Variants in GABRG1 observed in about 807,000 individuals in gnomAD.
The protein encoded by GABRG1 is gamma-aminobutyric acid type A receptor subunit gamma1, also known as gamma-aminobutyric acid receptor subunit gamma-1.
GABRG1 carries 49 observed loss-of-function variants against 49.8 expected under a neutral mutation model. The ratio of observed to expected loss-of-function variants is 0.98; its 90% CI spans 0.78 to 1.25. The LOEUF (loss-of-function observed/expected upper bound fraction) is 1.25, where lower values mean the gene tolerates loss of function less well. Ranked by LOEUF, GABRG1 falls within the 50% of genes most tolerant of loss-of-function variation. GABRG1 has a pLI of 0.00. For synonymous variants in GABRG1, 232 were observed against 185.1 expected (o/e 1.25, Z -2.06); for missense variants, 552 against 552.3 (o/e 1.00, Z 0.01).
intron 3 of GABRG1, among the ~76,000 whole-genome samples, chr4:46,072,385 A>G (rs1719163941): frequency 6.6e-6 from 1 of 152,204 alleles, no homozygotes; most frequent in Admixed American, 6.6e-5. Context: ...GACATGTAAA[A>G]TTAACCATCA....
At chr4:46,108,920 C>T (rs1190629360) in intron 1 of GABRG1, among the ~76,000 whole-genome samples, 1 of 150,994 alleles carries the variant, frequency 6.6e-6, no homozygotes, top group Non-Finnish European at 1.5e-5. Context: ...TCTGCCCTTG[C>T]ATTGATAACA....
intron 3 of GABRG1, among the ~76,000 whole-genome samples, chr4:46,078,900 G>T (rs1174232290): frequency 1.3e-5 from 2 of 151,768 alleles, no homozygotes; most frequent in African/African-American, 4.8e-5. Context: ...ATTTTTTCTA[G>T]TTTTTTATGG....
At chr4:46,075,302 C>A (rs187288193) in intron 3 of GABRG1, among the ~76,000 whole-genome samples, 330 of 152,058 alleles carry the variant, frequency 2.2e-3, no homozygotes, top group Non-Finnish European at 3.1e-3. Flanking sequence ...TTTCAAAATT[C>A]TTTTTGTTAA....
At chr4:46,118,515 G>A (rs1721002346) in intron 1 of GABRG1, among the ~76,000 whole-genome samples, 1 of 150,964 alleles carries the variant, frequency 6.6e-6, no homozygotes, top group Admixed American at 6.6e-5. Flanking sequence ...TCATTGAGCA[G>A]GAATTCTGAT....
At chr4:46,041,630 C>T (rs116343448) in intron 8 of GABRG1, among the ~76,000 whole-genome samples, 221 of 151,590 alleles carry the variant, frequency 1.5e-3, no homozygotes, top group Non-Finnish European at 2.3e-3. Context: ...TATTATTTAT[C>T]GACTTTAATA....
intron 1 of GABRG1, among the ~76,000 whole-genome samples, chr4:46,099,506 C>A (rs903126111): frequency 1.3e-5 from 2 of 151,654 alleles, no homozygotes; most frequent in African/African-American, 4.8e-5. Context: ...CACAGCATAA[C>A]CTAATGTGTC....
intron 1 of GABRG1, among the ~76,000 whole-genome samples, chr4:46,101,661 A>G (rs1328368624): frequency 6.6e-6 from 1 of 151,734 alleles, no homozygotes; most frequent in Non-Finnish European, 1.5e-5. Flanking sequence ...AAACATTTTC[A>G]ATCCAATGAC....
intron 1 of GABRG1, among the ~76,000 whole-genome samples, chr4:46,119,961 G>T (rs367889134): frequency 1.2e-4 from 18 of 151,718 alleles, no homozygotes; most frequent in African/African-American, 4.3e-4. Context: ...TATCTGTTAT[G>T]ACTTTCTTTT....
chr4:46,119,001 A>T lies in GABRG1; in HGVS notation c.104+4809T>A, dbSNP rs998406386. ...ACTACATCTATACATAATAAATTCA[A>T]ACATGATTATATATAGCATCCTTTA... On this transcript the variant is annotated intron_variant, in intron 1 of 8. Transcript: ENST00000295452. 9.3e-5 allele frequency among the ~76,000 whole-genome samples: 14 copies of T among 151,232 alleles called. 1 individual carries two copies. The highest frequency in any genetic ancestry group is 7.9e-4 in the Admixed American group (12 of 15,098).
At chr4:46,088,805 TTGTGTGTGTTTGTG>T (rs1430221047) in intron 2 of GABRG1, among the ~76,000 whole-genome samples, 2 of 142,534 alleles carry the variant, frequency 1.4e-5, no homozygotes, top group South Asian at 2.2e-4. Flanking sequence ...GTGTGTGTGT[TTGTGTGTGTTTGTG>T]TGTGTGTGTG....
chr4:46,058,703 T>G (rs570270597), intron 5 of GABRG1, 81 bp from the exon 6 acceptor site: 2 of 1,075,934 alleles, frequency 1.9e-6, no homozygotes, highest in Admixed American at 2.3e-5. Flanking sequence ...GGTAGATTCT[T>G]GGAACTTTCT....
At chr4:46,047,317 A>G (rs1182778574) in intron 8 of GABRG1, among the ~76,000 whole-genome samples, 1 of 152,084 alleles carries the variant, frequency 6.6e-6, no homozygotes, top group Non-Finnish European at 1.5e-5. Flanking sequence ...CCTCTATCTT[A>G]AATGTTCTTT....
In GABRG1 at chr4:46,107,495, CTCT is replaced by C. The variant is rs552452814; in HGVS notation, c.105-10149_105-10147del. Among the ~76,000 whole-genome samples, 536 of 150,930 alleles carry C rather than the reference CTCT, an allele frequency of 3.6e-3. 4 individuals are homozygous for C. Among genetic ancestry groups the C allele is most frequent in the Middle Eastern group, 0.031 (9 of 294 alleles). Reference sequence around the variant, plus strand: ...CCTTCCTTTCTTGTTTCCTTTCCTTCTCTTCTTCTTCCTCCCTGTCACCATTCC... The same window carrying C: ...CCTTCCTTTCTTGTTTCCTTTCCTTCTCTTCTTCCTCCCTGTCACCATTCC... On this transcript the variant is annotated intron_variant, in intron 1 of 8. Coordinates refer to ENST00000295452, the MANE Select transcript of GABRG1 (RefSeq NM_173536.4).
intron 1 of GABRG1, among the ~76,000 whole-genome samples, chr4:46,113,276 A>T (rs1209159467): frequency 6.6e-6 from 1 of 151,172 alleles, no homozygotes; most frequent in Non-Finnish European, 1.5e-5. Flanking sequence ...CAGTAAACTT[A>T]CAATCATGGT....
intron 2 of GABRG1, among the ~76,000 whole-genome samples, chr4:46,093,085 A>AAAT (rs1553882643): frequency 1.3e-5 from 2 of 151,422 alleles, no homozygotes; most frequent in African/African-American, 4.8e-5. Context: ...AAAAAAAAAA[A>AAAT]AAGTCAAATC....
chr4:46,065,384 T>C lies in GABRG1; in HGVS notation c.522A>G (p.Gly174=). 3.1e-6 allele frequency: 5 copies of C among 1,607,240 alleles called. No homozygotes were observed. The highest frequency in any genetic ancestry group is 3.3e-4 in the Middle Eastern group (2 of 6,038). Residue 174 remains glycine, a synonymous_variant, in exon 4 of 9, where the codon GGA becomes GGG. Coordinates refer to ENST00000295452, the MANE Select transcript of GABRG1 (RefSeq NM_173536.4). Reference sequence around the variant, plus strand: ...ATTACCTTAGAGTATACAGAACTCGTCCATCATTCCAAATTCGAAGCAGAC... The same window carrying C: ...ATTACCTTAGAGTATACAGAACTCGCCCATCATTCCAAATTCGAAGCAGAC... ...PNRLLRIWND[G]RVLYTLRLTI...
rs1717528108 is a variant in GABRG1 at position 46,036,416 on chromosome 4, AG to A, written c.*4571del. On this transcript the variant is annotated 3_prime_UTR_variant, in exon 9 of 9. Coordinates refer to ENST00000295452, the MANE Select transcript of GABRG1 (RefSeq NM_173536.4). ...AATAAGAATCTAGACAGATCACTTT[AG>A]GATTTACATTTCAGATTATTTTTTT... is the stretch of plus-strand genomic sequence containing the variant. The A allele has an allele frequency of 6.6e-6, 1 of 151,998 alleles. No individual in the cohort carries two copies. The highest frequency in any genetic ancestry group is 6.6e-5 in the Admixed American group (1 of 15,234). The allele number at this position is 151,998 out of a possible 1,614,324, so 9.4% of individuals were successfully genotyped here.
rs941634330 is a variant in GABRG1 at position 46,036,463 on chromosome 4, A to G, written c.*4525T>C. 17 of 151,960 alleles carry G rather than the reference A, an allele frequency of 1.1e-4. No individual in the cohort carries two copies. Among genetic ancestry groups the G allele is most frequent in the African/African-American group, 3.6e-4 (15 of 41,430 alleles). 9.4% of individuals were successfully genotyped at this position (151,960 alleles called of 1,614,324 possible). A position where few individuals can be genotyped will look rare whatever the true frequency, so the allele number is the denominator to read the frequency against. On this transcript the variant is annotated 3_prime_UTR_variant, in exon 9 of 9. Transcript: ENST00000295452. ...TTTTTCTTCATCTTTTATGTGTGAA[A>G]AAGATAAATCAACAGGAAAAATAAG...
rs563071152 is a variant in GABRG1, at chr4:46,092,552, G to C, written c.253+4649C>G. Among the ~76,000 whole-genome samples the C allele has an allele frequency of 7.2e-5, 11 of 151,898 alleles. No individual in the cohort carries two copies. The South Asian group carries it at 2.3e-3, about 31-fold the overall frequency. On this transcript the variant is annotated intron_variant, in intron 2 of 8. Coordinates refer to ENST00000295452, the MANE Select transcript of GABRG1 (RefSeq NM_173536.4). The stretch of plus-strand genomic sequence containing the variant: ...TAAGCAATAGAGAACAAATTAAATA[G>C]CTTAACAAAACAGAAAACAATAGAA...
Sources: allele counts gnomAD v4.1 joint callset (sites outside exome capture counted in the v4.1 genomes callset), GRCh38; gene constraint gnomAD v4.1.1; transcripts MANE v1.5; gene names NCBI Gene and HGNC (gene_info 2026-07-23, HGNC 2026-07-21).